Variants in SIPA1L3 observed in about 807,000 individuals in gnomAD.
SIPA1L3 encodes the protein signal-induced proliferation-associated 1-like protein 3.
A neutral mutation model predicts 150.1 loss-of-function variants in SIPA1L3; 59 were observed. The observed-to-expected ratio is 0.39, with a 90% CI of 0.32 to 0.49. The LOEUF is 0.49. Among genes scored for constraint, SIPA1L3 ranks in the 20% least tolerant of loss-of-function variants. The probability of loss-of-function intolerance (pLI) is 0.86; values close to 1 mark genes in which losing one functional copy is unlikely to be tolerated. For synonymous variants in SIPA1L3, 1,070 were observed against 1,077.6 expected (o/e 0.99, Z 0.14); for missense variants, 2,211 against 2,489.5 (o/e 0.89, Z 2.38).
intron 1 of SIPA1L3, among the ~76,000 whole-genome samples, chr19:38,025,492 G>A (rs1178310371): frequency 1.3e-5 from 2 of 152,192 alleles, no homozygotes; most frequent in Admixed American, 6.5e-5. Flanking sequence ...CCTGCATGAG[G>A]GACTGCAGGG....
chr19:38,023,224 C>T (rs1416798015), intron 1 of SIPA1L3, among the ~76,000 whole-genome samples: 4 of 152,152 alleles, frequency 2.6e-5, no homozygotes, highest in South Asian at 2.1e-4. Context: ...CACACTAGCA[C>T]GCCTATCTTC....
intron 1 of SIPA1L3, among the ~76,000 whole-genome samples, chr19:37,925,850 C>T (rs1038715328): frequency 1.3e-5 from 2 of 152,098 alleles, no homozygotes; most frequent in African/African-American, 2.4e-5. Context: ...CCTTGGCCTC[C>T]CAAAGTGCTG....
intron 1 of SIPA1L3, among the ~76,000 whole-genome samples, chr19:37,991,379 C>A (rs545893825): frequency 5.2e-5 from 8 of 152,386 alleles, no homozygotes; most frequent in African/African-American, 1.9e-4. Context: ...CAGGGCCAAA[C>A]CGGCTGATCT....
chr19:38,054,557 C>T (rs1013966719), intron 2 of SIPA1L3, among the ~76,000 whole-genome samples: 12 of 152,154 alleles, frequency 7.9e-5, no homozygotes, highest in South Asian at 2.1e-4. Flanking sequence ...CGAGATCGCG[C>T]CACCGCACTC....
At chr19:38,186,165 T>C (rs1429978419) in intron 16 of SIPA1L3, 2 of 152,242 alleles carry the variant, frequency 1.3e-5, no homozygotes, top group African/African-American at 4.8e-5. Context: ...CAACAACAGC[T>C]TTCCCAGTGA....
At chr19:37,930,313 A>G (rs1305043428) in intron 1 of SIPA1L3, among the ~76,000 whole-genome samples, 7 of 151,726 alleles carry the variant, frequency 4.6e-5, no homozygotes, top group Non-Finnish European at 5.9e-5. Context: ...TGCCCAGCCC[A>G]TGCCTGGCTA....
chr19:38,170,980 C>CTT (rs1972315722), intron 15 of SIPA1L3, among the ~76,000 whole-genome samples: 1 of 147,020 alleles, frequency 6.8e-6, no homozygotes, highest in Non-Finnish European at 1.5e-5. Context: ...GACACACACA[C>CTT]TTTCTGGGCC....
intron 2 of SIPA1L3, among the ~76,000 whole-genome samples, chr19:38,073,180 C>T (rs1969760297): frequency 6.6e-6 from 1 of 152,230 alleles, no homozygotes; most frequent in Admixed American, 6.5e-5. Context: ...CCTCACCATT[C>T]CTATCTTTCC....
In SIPA1L3 at chr19:38,060,806, C is replaced by T. The variant is rs557984535; in HGVS notation, c.-310-20450C>T. Among the ~76,000 whole-genome samples the T allele has an allele frequency of 3.8e-4, 58 of 152,326 alleles. 2 individuals are homozygous for T. In the East Asian group the frequency reaches 8.9e-3, roughly 23 times the overall value. ...TCCCGGGTTCAAGTGATTCTCCTGCCTCAGCCTCCCGAGTAGCTGGGATTA... is the reference window on the plus strand; with the variant it reads ...TCCCGGGTTCAAGTGATTCTCCTGCTTCAGCCTCCCGAGTAGCTGGGATTA... On this transcript the variant is annotated intron_variant, in intron 2 of 21. Transcript: ENST00000222345.
intron 6 of SIPA1L3, among the ~76,000 whole-genome samples, chr19:38,105,441 A>G (rs964429198): frequency 6.6e-6 from 1 of 151,918 alleles, no homozygotes; most frequent in Admixed American, 6.6e-5. Flanking sequence ...GTACAGTGTG[A>G]CCTTGGGAAG....
intron 16 of SIPA1L3, among the ~76,000 whole-genome samples, chr19:38,183,585 C>G (rs535575539): frequency 1.2e-4 from 19 of 152,266 alleles, no homozygotes; most frequent in Admixed American, 3.3e-4. Context: ...CAGGAGACAT[C>G]CAGACGGAGG....
intron 10 of SIPA1L3, among the ~76,000 whole-genome samples, chr19:38,135,408 G>T (rs1971414034): frequency 2.0e-5 from 3 of 152,194 alleles, no homozygotes. Context: ...CACCTGCTTA[G>T]ATCTCTGCAG....
chr19:37,916,833 G>T (rs2046418630), intron 1 of SIPA1L3, among the ~76,000 whole-genome samples: 1 of 152,098 alleles, frequency 6.6e-6, no homozygotes, highest in South Asian at 2.1e-4. Flanking sequence ...GGTGGCATGT[G>T]CCTGTAATCC....
chr19:38,164,654 G>T lies in SIPA1L3; in HGVS notation c.3956G>T (p.Ser1319Ile), dbSNP rs752495862. Residue 1319 changes from serine (S) to isoleucine (I), a missense_variant, in exon 15 of 22, where the codon AGC (serine) becomes ATC (isoleucine). Transcript: ENST00000222345. This position sits in a 1 kb window ranked among gnomAD's most constrained non-coding sequence, Gnocchi z 4.1. Reference sequence around the variant, plus strand: ...ATCGACACCACCCTCTACACCTCCAGCCCTAGCTGCATGTCCCTGGCCAAG... The same window carrying T: ...ATCGACACCACCCTCTACACCTCCATCCCTAGCTGCATGTCCCTGGCCAAG... ...SGIDTTLYTS[S>I]PSCMSLAKAP... 2 of 1,614,156 alleles carry T rather than the reference G, an allele frequency of 1.2e-6. No homozygotes were observed. Among genetic ancestry groups the T allele is most frequent in the Admixed American group, 1.7e-5 (1 of 60,008 alleles).
rs759412862 is a variant in SIPA1L3 at position 38,047,599 on chromosome 19, C to G, written c.-311+18443C>G. Among the ~76,000 whole-genome samples, 1 of 152,170 alleles carries G rather than the reference C, an allele frequency of 6.6e-6. No individual in the cohort carries two copies. The highest frequency in any genetic ancestry group is 1.5e-5 in the Non-Finnish European group (1 of 68,028). On this transcript the variant is annotated intron_variant, in intron 2 of 21. Coordinates refer to ENST00000222345, the MANE Select transcript of SIPA1L3 (RefSeq NM_015073.3). The surrounding 1 kb of genome is among the most constrained non-coding windows in gnomAD (Gnocchi z 4.7). The stretch of plus-strand genomic sequence containing the variant: ...ACTTTATAGTAGAGGCAGTCACAGG[C>G]GATCTGTGGGTAGAGCGATGATTGA...
In SIPA1L3 at chr19:38,152,925, G is replaced by A. The variant is rs761097658; in HGVS notation, c.3619G>A (p.Gly1207Ser). The change falls in exon 13 of 22, where the codon GGC becomes AGC. Residue 1207 changes from glycine to serine, a missense_variant. Gly to Ser is a moderately conservative substitution (Grantham distance 56, BLOSUM62 0). This residue lies in a region of SIPA1L3 where 806 missense variants were observed against 870.1 expected (regional missense o/e 0.93). Coordinates refer to ENST00000222345, the MANE Select transcript of SIPA1L3 (RefSeq NM_015073.3). ...GTCCAGCGGCGACTCCTCTTCCGGC[G>A]GCCTGACCAGCCAGGAGAGCACCAT... ...GTSSGDSSSG[G>S]LTSQESTMER... The A allele has an allele frequency of 1.8e-5, 29 of 1,613,572 alleles. No individual in the cohort carries two copies. The highest frequency in any genetic ancestry group is 1.6e-4 in the Middle Eastern group (1 of 6,062).
intron 1 of SIPA1L3, among the ~76,000 whole-genome samples, chr19:37,980,872 G>A (rs1967185393): frequency 1.3e-5 from 2 of 152,206 alleles, no homozygotes; most frequent in African/African-American, 4.8e-5. Context: ...CAAGAAGTGT[G>A]ACCTGGTGTC....
At chr19:38,087,512 C>A (rs764855856) in intron 3 of SIPA1L3, among the ~76,000 whole-genome samples, 1 of 152,156 alleles carries the variant, frequency 6.6e-6, no homozygotes, top group African/African-American at 2.4e-5. Context: ...TGGGTAGATG[C>A]TAACTTTGTG....
At chr19:38,201,215 G>A (rs978783422) in intron 19 of SIPA1L3, among the ~76,000 whole-genome samples, 2 of 152,228 alleles carry the variant, frequency 1.3e-5, no homozygotes, top group South Asian at 4.1e-4. Context: ...GCACTAGGGC[G>A]GTGGCCAGCT....
Sources: allele counts gnomAD v4.1 joint callset (sites outside exome capture counted in the v4.1 genomes callset), GRCh38; gene constraint gnomAD v4.1.1; regional missense constraint gnomAD v4.1.1; non-coding constraint Gnocchi (gnomAD v3.1); transcripts MANE v1.5; gene names NCBI Gene and HGNC (gene_info 2026-07-23, HGNC 2026-07-21).